TRIM4: variants seen among roughly 807,000 people sequenced by gnomAD.
TRIM4 encodes E3 ubiquitin-protein ligase TRIM4.
A neutral mutation model predicts 33.7 loss-of-function variants in TRIM4; 29 were observed. That is an observed-to-expected ratio of 0.86 (90% CI 0.64 to 1.17). The LOEUF is 1.17. TRIM4 is among the 50% of genes most tolerant of loss of function. TRIM4 has a pLI of 0.00. For synonymous variants in TRIM4, 224 were observed against 233.0 expected (o/e 0.96, Z 0.35); for missense variants, 554 against 593.7 (o/e 0.93, Z 0.69).
chr7:99,916,973 C>T (rs942087742), intron 1 of TRIM4, among the ~76,000 whole-genome samples: 4 of 152,232 alleles, frequency 2.6e-5, no homozygotes, highest in Non-Finnish European at 5.9e-5. Flanking sequence ...ACTGAGCAAC[C>T]TCCAGTCCTC....
At chr7:99,897,733 T>C (rs917934105) in intron 5 of TRIM4, among the ~76,000 whole-genome samples, 13 of 152,132 alleles carry the variant, frequency 8.5e-5, no homozygotes, top group Non-Finnish European at 1.8e-4. Flanking sequence ...GGGACAATCA[T>C]CCTCTTATAG....
intron 5 of TRIM4, among the ~76,000 whole-genome samples, chr7:99,902,827 C>A (rs193278743): frequency 6.6e-6 from 1 of 151,652 alleles, no homozygotes; most frequent in East Asian, 2.0e-4. Context: ...TCCTACTAAT[C>A]CCTCAAATCT....
chr7:99,893,831 C>T (rs1017999457), intron 5 of TRIM4, among the ~76,000 whole-genome samples: 4 of 152,054 alleles, frequency 2.6e-5, no homozygotes, highest in African/African-American at 9.7e-5. Context: ...CCCTGGCCTC[C>T]CTGACTCCAA....
At chr7:99,898,058 G>T in intron 5 of TRIM4, among the ~76,000 whole-genome samples, 1 of 152,240 alleles carries the variant, frequency 6.6e-6, no homozygotes, top group East Asian at 1.9e-4. Context: ...CTGCCATGGG[G>T]CATCCATGCT....
intron 1 of TRIM4, among the ~76,000 whole-genome samples, chr7:99,910,199 G>T (rs1220475926): frequency 6.6e-6 from 1 of 152,178 alleles, no homozygotes; most frequent in Non-Finnish European, 1.5e-5. Flanking sequence ...ACTGTTAGAA[G>T]ATTAGCAAAT....
intron 2 of TRIM4, 102 bp from the exon 3 acceptor site, chr7:99,908,914 C>T: frequency 8.8e-7 from 1 of 1,139,674 alleles, no homozygotes; most frequent in East Asian, 2.4e-5. Flanking sequence ...CTAATCAAAC[C>T]CTCTTGAAAA....
chr7:99,919,465 G>A lies in TRIM4; in HGVS notation c.-64C>T. On this transcript the variant is annotated 5_prime_UTR_variant, in exon 1 of 6. Transcript: ENST00000349062. ...CGCGGGAGAGGCCAGCAAGCTGCGA[G>A]CGGCCGCGGGGAGGCCAGACGACTT... The A allele has an allele frequency of 7.0e-7, 1 of 1,433,136 alleles. No homozygotes were observed. The highest frequency in any genetic ancestry group is 9.2e-7 in the Non-Finnish European group (1 of 1,092,150). 88.8% of individuals were successfully genotyped at this position (1,433,136 alleles called of 1,614,324 possible).
intron 1 of TRIM4, chr7:99,916,619 C>T: frequency 4.1e-6 from 3 of 739,808 alleles, no homozygotes; most frequent in Non-Finnish European, 2.5e-6. Flanking sequence ...AATTGATCAC[C>T]AAGTCATTCA....
intron 3 of TRIM4, 119 bp from the exon 4 acceptor site, chr7:99,903,717 G>T: frequency 9.1e-7 from 1 of 1,100,230 alleles, no homozygotes; most frequent in Non-Finnish European, 1.4e-6. Context: ...ATGATCTCCT[G>T]CTGCCAAAGC....
chr7:99,918,275 TA>T (rs1480578025), intron 1 of TRIM4, among the ~76,000 whole-genome samples: 1 of 152,124 alleles, frequency 6.6e-6, no homozygotes, highest in Admixed American at 6.5e-5. Context: ...GAGTATAAAA[TA>T]TCTCATTGAG....
At chr7:99,916,796 G>T in intron 1 of TRIM4, 1 of 780,466 alleles carries the variant, frequency 1.3e-6, no homozygotes, top group South Asian at 1.3e-5. Context: ...CAAAAAAAAC[G>T]ATCATATCAT....
chr7:99,914,220 C>A (rs989193898), intron 1 of TRIM4, among the ~76,000 whole-genome samples: 2 of 152,206 alleles, frequency 1.3e-5, no homozygotes, highest in African/African-American at 2.4e-5. Context: ...CACAGTGGCA[C>A]GATCATAGCT....
intron 5 of TRIM4, among the ~76,000 whole-genome samples, chr7:99,896,781 T>C (rs2151642133): frequency 6.6e-6 from 1 of 152,286 alleles, no homozygotes; most frequent in Non-Finnish European, 1.5e-5. Flanking sequence ...GCCCACCAGG[T>C]GAGTATGGGG....
At chr7:99,899,359 G>A (rs1819101084) in intron 5 of TRIM4, among the ~76,000 whole-genome samples, 1 of 152,174 alleles carries the variant, frequency 6.6e-6, no homozygotes, top group Non-Finnish European at 1.5e-5. Flanking sequence ...TTTACAAATA[G>A]CAGTGGTTTG....
intron 1 of TRIM4, chr7:99,917,756 G>T: frequency 1.2e-6 from 1 of 867,902 alleles, no homozygotes; most frequent in Non-Finnish European, 1.4e-6. Context: ...ATAAATTCAT[G>T]TGTTCATGTA....
At chr7:99,899,238 A>G (rs1377444943) in intron 5 of TRIM4, among the ~76,000 whole-genome samples, 1 of 152,238 alleles carries the variant, frequency 6.6e-6, no homozygotes, top group Non-Finnish European at 1.5e-5. Flanking sequence ...CTCCTGGTCC[A>G]TTCCTTGGAA....
chr7:99,902,177 G>A (rs75571898), intron 5 of TRIM4: 4 of 764,662 alleles, frequency 5.2e-6, no homozygotes, highest in Non-Finnish European at 9.6e-6. Flanking sequence ...TTTAGTTGCT[G>A]CAGACAAGAA....
intron 5 of TRIM4, among the ~76,000 whole-genome samples, chr7:99,895,713 A>C (rs1419351751): frequency 2.0e-5 from 3 of 152,234 alleles, no homozygotes; most frequent in African/African-American, 7.2e-5. Flanking sequence ...AATATGTTTG[A>C]AGCACTGTTA....
rs773110679 is a variant in TRIM4, at chr7:99,903,328, A to C, written c.744-13T>G. On this transcript the variant is annotated splice_polypyrimidine_tract_variant and intron_variant, in intron 4 of 5. Transcript: ENST00000349062. Reference sequence around the variant, plus strand: ...CTGGATCTCACTCCTAAGAAGGTAGAGAAGACTGCTCTTAGGGGACAACTA... The same window carrying C: ...CTGGATCTCACTCCTAAGAAGGTAGCGAAGACTGCTCTTAGGGGACAACTA... The C allele has an allele frequency of 1.3e-6, 2 of 1,591,360 alleles. No homozygotes were observed. The highest frequency in any genetic ancestry group is 2.7e-5 in the African/African-American group (2 of 74,322).
Sources: allele counts gnomAD v4.1 joint callset (sites outside exome capture counted in the v4.1 genomes callset), GRCh38; gene constraint gnomAD v4.1.1; transcripts MANE v1.5; gene names NCBI Gene and HGNC (gene_info 2026-07-23, HGNC 2026-07-21).